Variants in ZNF18 observed in about 807,000 individuals in gnomAD.
The protein encoded by ZNF18 is zinc finger protein 18.
Under a neutral mutation model 58.1 loss-of-function variants are expected in ZNF18, and 42 were observed. The observed-to-expected ratio is 0.72, with a 90% CI of 0.56 to 0.93. ZNF18 has a LOEUF of 0.93. Among genes scored for constraint, ZNF18 ranks in the 40% least tolerant of loss-of-function variants. ZNF18 has a pLI of 0.00. For missense variants in ZNF18, 540 were observed against 644.2 expected, an observed-to-expected ratio of 0.84 and a Z score of 1.75; for synonymous variants, 231 against 239.8, an observed-to-expected ratio of 0.96 and a Z score of 0.34.
the ZNF18 span, chr17:12,020,956 G>A: frequency 8.6e-7 from 1 of 1,168,944 alleles, no homozygotes; most frequent in Non-Finnish European, 1.1e-6. Flanking sequence ...CCCCGGCCCC[G>A]TAGGGTCCCC....
upstream of ZNF18, among the ~76,000 whole-genome samples, chr17:11,997,665 C>T (rs2151491383): frequency 6.6e-6 from 1 of 152,360 alleles, no homozygotes; most frequent in African/African-American, 2.4e-5. Context: ...TCCGTTCCTT[C>T]CGTCACTCAC....
the ZNF18 span, among the ~76,000 whole-genome samples, chr17:12,009,613 C>T: frequency 2.6e-5 from 4 of 151,904 alleles, no homozygotes; most frequent in Admixed American, 6.6e-5. Flanking sequence ...TCACCATGCT[C>T]GGCTAATTTT....
chr17:12,014,947 C>G, the ZNF18 span, among the ~76,000 whole-genome samples: 5 of 151,984 alleles, frequency 3.3e-5, no homozygotes, highest in African/African-American at 1.2e-4. Context: ...ACTCGGGAGG[C>G]TGATGCAGGA....
rs549369047 is a variant in ZNF18, at chr17:11,993,978, C to T, written c.-82-1067G>A. On this transcript the variant is annotated intron_variant, in intron 1 of 6. Coordinates refer to ENST00000580306, the MANE Select transcript of ZNF18 (RefSeq NM_001303281.2). Reference sequence around the variant, plus strand: ...GACAGTAGAAAGAGAAATATTAAATCGCAAATAATATTATTCTAAAAAGGA... The same window carrying T: ...GACAGTAGAAAGAGAAATATTAAATTGCAAATAATATTATTCTAAAAAGGA... Among the ~76,000 whole-genome samples, 142 of 151,918 alleles carry T rather than the reference C, an allele frequency of 9.3e-4. 1 individual carries two copies. Among genetic ancestry groups the T allele is most frequent in the African/African-American group, 3.3e-3 (136 of 41,420 alleles).
the ZNF18 span, chr17:12,011,248 C>A: frequency 2.3e-6 from 1 of 425,926 alleles, no homozygotes; most frequent in Non-Finnish European, 4.3e-6. Flanking sequence ...TGGAAGATGG[C>A]GGTTCCCCTG....
intron 6 of ZNF18, among the ~76,000 whole-genome samples, chr17:11,980,012 T>A (rs1967237725): frequency 6.6e-6 from 1 of 152,194 alleles, no homozygotes. Flanking sequence ...GTTTTCTTCA[T>A]AAGTTTTTGC....
At chr17:12,020,855 C>T in the ZNF18 span, 2 of 1,006,748 alleles carry the variant, frequency 2.0e-6, no homozygotes, top group East Asian at 3.4e-5. Context: ...ATTGCAGCCG[C>T]CGCGGCGCCG....
chr17:12,010,434 CCAGAT>C, the ZNF18 span, among the ~76,000 whole-genome samples: 1 of 146,824 alleles, frequency 6.8e-6, no homozygotes, highest in Non-Finnish European at 1.5e-5. Flanking sequence ...TTTTTTTTTT[CCAGAT>C]GGAGTCTTGC....
upstream of ZNF18, among the ~76,000 whole-genome samples, chr17:11,998,044 GTCTC>G (rs200300397): frequency 2.2e-4 from 30 of 134,958 alleles, no homozygotes; most frequent in African/African-American, 5.6e-4. Context: ...TTCCACCTGC[GTCTC>G]TCTCTCTTCT....
At chr17:11,998,400 CT>C (rs1463673814), upstream of ZNF18, 3 of 152,198 alleles carry the variant, frequency 2.0e-5, no homozygotes, top group African/African-American at 7.2e-5. Flanking sequence ...TCAAAAAAAG[CT>C]GCCATGTTCC....
Position 11,977,781 on chromosome 17 carries a change from A to G in ZNF18, c.*176T>C, listed in dbSNP as rs572897215. 52 of 687,640 alleles carry G rather than the reference A, an allele frequency of 7.6e-5. No individual in the cohort carries two copies. In the South Asian group the frequency reaches 1.3e-3, roughly 17 times the overall value. The allele number at this position is 687,640 out of a possible 1,614,324, so 42.6% of individuals were successfully genotyped here. A position where few individuals can be genotyped will look rare whatever the true frequency, so the allele number is the denominator to read the frequency against. ...AATCAAGAATTTAAGCCATTGTGCA[A>G]TCCAATCCAAGATATCCTCCAAGTC... is the stretch of plus-strand genomic sequence containing the variant. On this transcript the variant is annotated 3_prime_UTR_variant, in exon 7 of 7. Transcript: ENST00000580306.
the ZNF18 span, among the ~76,000 whole-genome samples, chr17:12,016,080 C>G: frequency 6.6e-6 from 1 of 152,046 alleles, no homozygotes; most frequent in East Asian, 1.9e-4. Flanking sequence ...CGTGAACCAC[C>G]ACACTCAGCC....
the ZNF18 span, chr17:12,021,299 G>C: frequency 4.9e-6 from 1 of 202,970 alleles, no homozygotes; most frequent in Non-Finnish European, 9.8e-6. Flanking sequence ...CCCCGCGGCC[G>C]TCCCCATCGC....
chr17:12,021,205 C>T, the ZNF18 span: 17 of 326,144 alleles, frequency 5.2e-5, no homozygotes, highest in African/African-American at 3.5e-4. Context: ...GCATAGGCCC[C>T]GGCCGCGGCC....
At chr17:12,011,122 T>A in the ZNF18 span, 1 of 652,908 alleles carries the variant, frequency 1.5e-6, no homozygotes, top group African/African-American at 1.8e-5. Flanking sequence ...TCACCTTTCT[T>A]CTAGATTCGC....
At chr17:11,993,825 C>CAAAAAAAAAAAAAA (rs386385680) in intron 1 of ZNF18, among the ~76,000 whole-genome samples, 3 of 71,246 alleles carry the variant, frequency 4.2e-5, no homozygotes, top group African/African-American at 5.9e-5. Context: ...CTCCGTCTCA[C>CAAAAAAAAAAAAAA]AAAAAAAAAA....
intron 2 of ZNF18, 37 bp from the exon 3 acceptor site, chr17:11,991,200 T>G (rs1021765202): frequency 6.4e-7 from 1 of 1,559,204 alleles, no homozygotes; most frequent in African/African-American, 1.4e-5. Flanking sequence ...TACTGAAGAA[T>G]CCAGAGTAAG....
At chr17:12,015,370 T>C in the ZNF18 span, among the ~76,000 whole-genome samples, 4 of 152,244 alleles carry the variant, frequency 2.6e-5, no homozygotes, top group African/African-American at 9.6e-5. Flanking sequence ...TACATTTCAA[T>C]AAGTCATTAT....
At position 11,991,169 on chromosome 17, in the gene ZNF18, G is replaced by C. The variant is rs1464874206; in HGVS notation, c.388-6C>G. The C allele has an allele frequency of 1.2e-6, 2 of 1,609,102 alleles. No homozygotes were observed. The highest frequency in any genetic ancestry group is 1.7e-5 in the Admixed American group (1 of 59,420). ...CCTAGAACCTGGATACTGATCTAGAGACCATATATTAATTAGTAATTACTG... is the reference window on the plus strand; with the variant it reads ...CCTAGAACCTGGATACTGATCTAGACACCATATATTAATTAGTAATTACTG... On this transcript the variant is annotated splice_polypyrimidine_tract_variant and splice_region_variant and intron_variant, in intron 2 of 6. Transcript: ENST00000580306.
Sources: gnomAD v4.1 joint callset for allele counts (sites outside exome capture counted in the v4.1 genomes callset) on GRCh38, gnomAD v4.1.1 for gene constraint, MANE v1.5 for transcripts, NCBI Gene and HGNC (gene_info 2026-07-23, HGNC 2026-07-21) for gene names.